Variants in GXYLT2 observed in about 807,000 individuals in gnomAD.
The protein encoded by GXYLT2 is glucoside xylosyltransferase 2.
In GXYLT2, 53 loss-of-function variants were observed where a neutral mutation model predicts 45.8. The observed-to-expected ratio is 1.16, with a 90% confidence interval of 0.93 to 1.46. The LOEUF (loss-of-function observed/expected upper bound fraction) is 1.46, where lower values mean the gene tolerates loss of function less well. Ranked by LOEUF, GXYLT2 falls within the 40% of genes most tolerant of loss-of-function variation. The pLI is 0.00. For missense variants in GXYLT2, 551 were observed against 544.4 expected, an observed-to-expected ratio of 1.01 and a Z score of -0.12; for synonymous variants, 219 against 214.2, an observed-to-expected ratio of 1.02 and a Z score of -0.19.
intron 3 of GXYLT2, among the ~76,000 whole-genome samples, chr3:72,951,663 A>G (rs1054965618): frequency 6.6e-6 from 1 of 152,152 alleles, no homozygotes; most frequent in Non-Finnish European, 1.5e-5. Context: ...CCTTAGGGCT[A>G]CTTTTGTGTG....
intron 1 of GXYLT2, among the ~76,000 whole-genome samples, chr3:72,903,298 G>A (rs112355551): frequency 1.3e-3 from 193 of 152,254 alleles, no homozygotes; most frequent in African/African-American, 4.4e-3. Context: ...TGTTTGTTAC[G>A]CTTTTTGTTT....
intron 3 of GXYLT2, among the ~76,000 whole-genome samples, chr3:72,954,399 C>CTGTGTG (rs3078688): frequency 0.34 from 45,344 of 133,724 alleles, 9,209 homozygotes; most frequent in Non-Finnish European, 0.44. Flanking sequence ...TGCTCCCAGC[C>CTGTGTG]TGTGTGTGTG....
At chr3:72,970,403 C>T (rs944472056) in intron 6 of GXYLT2, among the ~76,000 whole-genome samples, 1 of 151,320 alleles carries the variant, frequency 6.6e-6, no homozygotes, top group Non-Finnish European at 1.5e-5. Flanking sequence ...AAGCTCACGC[C>T]TATAATCCCA....
intron 2 of GXYLT2, among the ~76,000 whole-genome samples, chr3:72,919,648 A>G (rs1241743853): frequency 6.6e-6 from 1 of 152,226 alleles, no homozygotes; most frequent in Admixed American, 6.5e-5. Context: ...CCAGCTACTC[A>G]GGAGGCTGAA....
In GXYLT2 at chr3:72,922,256, C is replaced by G; in HGVS notation, c.521C>G (p.Pro174Arg). 6.2e-7 allele frequency: 1 copy of G among 1,613,486 alleles called. No individual in the cohort carries two copies. The highest frequency in any genetic ancestry group is 8.5e-7 in the Non-Finnish European group (1 of 1,179,470). ...YTKKFEHRIY[P>R]ITFSVGNPQE... ...AAGAAGTTTGAGCACAGAATCTACC[C>G]CATCACATTTTCTGTTGGAAACCCT... The change falls in exon 3 of 7, where the codon CCC becomes CGC. Residue 174 changes from proline (P) to arginine (R), a missense_variant. Pro to Arg is a moderately radical substitution (Grantham distance 103). Coordinates refer to ENST00000389617, the MANE Select transcript of GXYLT2 (RefSeq NM_001080393.2).
chr3:72,901,458 T>C (rs34472028), intron 1 of GXYLT2, among the ~76,000 whole-genome samples: 41,206 of 145,514 alleles, frequency 0.28, 6,168 homozygotes, highest in Non-Finnish European at 0.34. Flanking sequence ...AGCAAGACTC[T>C]GCATCAAAAG....
rs1307772521 is a variant in GXYLT2 at position 72,975,747 on chromosome 3, A to T, written c.*588A>T. 1 of 152,202 alleles carries T rather than the reference A, an allele frequency of 6.6e-6. No individual in the cohort carries two copies. The highest frequency in any genetic ancestry group is 1.5e-5 in the Non-Finnish European group (1 of 68,036). The allele number at this position is 152,202 out of a possible 1,614,324, so 9.4% of individuals were successfully genotyped here. ...ACTCTAACACACATCTAAAACAGGT[A>T]ATCTCAGTAAAAGCTGGCCTTTTTG... On this transcript the variant is annotated 3_prime_UTR_variant, in exon 7 of 7. Transcript: ENST00000389617.
At chr3:72,930,592 CTTTTTT>C (rs71126806) in intron 3 of GXYLT2, among the ~76,000 whole-genome samples, 3 of 101,610 alleles carry the variant, frequency 3.0e-5, no homozygotes, top group African/African-American at 7.5e-5. Context: ...TCTTCTTCTT[CTTTTTT>C]TTTTTTTTTT....
chr3:72,954,711 A>G (rs1710600645), intron 3 of GXYLT2, among the ~76,000 whole-genome samples: 1 of 152,036 alleles, frequency 6.6e-6, no homozygotes, highest in Non-Finnish European at 1.5e-5. Flanking sequence ...CTAATGCCAC[A>G]CTGGATGTTC....
chr3:72,969,014 G>A (rs942670239), intron 6 of GXYLT2, among the ~76,000 whole-genome samples: 3 of 151,888 alleles, frequency 2.0e-5, no homozygotes, highest in African/African-American at 7.3e-5. Context: ...GAGCTTGCAG[G>A]GAGCTGAGAT....
chr3:72,929,119 C>T (rs1709976586), intron 3 of GXYLT2: 1 of 1,590,666 alleles, frequency 6.3e-7, no homozygotes, highest in African/African-American at 1.3e-5. Flanking sequence ...GCTAGATCAA[C>T]CTGGAGCTCT....
intron 3 of GXYLT2, among the ~76,000 whole-genome samples, chr3:72,925,461 G>A (rs1031849860): frequency 1.3e-5 from 2 of 151,972 alleles, no homozygotes; most frequent in African/African-American, 2.4e-5. Context: ...TGGCCACATC[G>A]TCTGTTCTTC....
chr3:72,930,923 T>G (rs957146987), intron 3 of GXYLT2, among the ~76,000 whole-genome samples: 1 of 152,064 alleles, frequency 6.6e-6, no homozygotes, highest in African/African-American at 2.4e-5. Flanking sequence ...ATTGAACAAC[T>G]AGGCTGAATG....
chr3:72,894,485 TTTC>T (rs1271253685), intron 1 of GXYLT2, among the ~76,000 whole-genome samples: 2 of 152,280 alleles, frequency 1.3e-5, no homozygotes, highest in East Asian at 3.9e-4. Context: ...AAATCAGACT[TTTC>T]TTAAGGATTT....
chr3:72,913,131 A>G (rs1354014458), intron 2 of GXYLT2, among the ~76,000 whole-genome samples: 7 of 147,726 alleles, frequency 4.7e-5, no homozygotes, highest in Admixed American at 2.7e-4. Flanking sequence ...TCCGCCTCCC[A>G]GGTTCACGCC....
At position 72,955,202 on chromosome 3, in the gene GXYLT2, C is replaced by G. The variant is rs371607345; in HGVS notation, c.705C>G (p.Thr235=). ...IWKLLRLFNS[T]QLAAMAPEHE... is the part of the protein sequence containing the mutation. ...AGCTTCTGAGGCTGTTTAATTCCAC[C>G]CAGCTTGCAGCCATGGCCCCTGAGC... The change falls in exon 4 of 7, where the codon ACC becomes ACG. Residue 235 remains threonine, a synonymous_variant. Transcript: ENST00000389617. 2 of 1,613,902 alleles carry G rather than the reference C, an allele frequency of 1.2e-6. No homozygotes were observed. The highest frequency in any genetic ancestry group is 2.7e-5 in the African/African-American group (2 of 74,926).
At chr3:72,972,642 G>GA (rs71126813) in intron 6 of GXYLT2, among the ~76,000 whole-genome samples, 61,429 of 84,434 alleles carry the variant, frequency 0.73, 22,666 homozygotes, top group East Asian at 0.91. Flanking sequence ...CTCTGTCTCG[G>GA]AAAAAAAAAA....
intron 5 of GXYLT2, among the ~76,000 whole-genome samples, chr3:72,966,124 T>C (rs1157760662): frequency 6.6e-6 from 1 of 151,788 alleles, no homozygotes; most frequent in Non-Finnish European, 1.5e-5. Flanking sequence ...GTTTACAGGC[T>C]CCTGCCTCCA....
intron 1 of GXYLT2, among the ~76,000 whole-genome samples, chr3:72,903,532 C>T (rs1377976344): frequency 6.6e-6 from 1 of 152,154 alleles, no homozygotes; most frequent in African/African-American, 2.4e-5. Flanking sequence ...AATATGCAGA[C>T]TCCAGGGCCT....
Sources: gnomAD v4.1 joint callset for allele counts (sites outside exome capture counted in the v4.1 genomes callset) on GRCh38, gnomAD v4.1.1 for gene constraint, MANE v1.5 for transcripts, NCBI Gene and HGNC (gene_info 2026-07-23, HGNC 2026-07-21) for gene names.